Variants in C1orf146 observed in about 807,000 individuals in gnomAD.
C1orf146 encodes the protein protein SPO16 homolog.
A neutral mutation model predicts 23.0 loss-of-function variants in C1orf146; 22 were observed. That is an observed-to-expected ratio of 0.96 (90% CI 0.68 to 1.36). The LOEUF (loss-of-function observed/expected upper bound fraction) is 1.36, where lower values mean the gene tolerates loss of function less well. Among genes scored for constraint, C1orf146 ranks in the 40% most tolerant of loss-of-function variants. The pLI is 0.00. For synonymous variants in C1orf146, 59 were observed against 65.3 expected (o/e 0.90, Z 0.47); for missense variants, 199 against 206.8 (o/e 0.96, Z 0.23).
At position 92,244,801 on chromosome 1, in the gene C1orf146, A is replaced by C; in HGVS notation, c.352A>C (p.Ile118Leu). 6.2e-7 allele frequency: 1 copy of C among 1,608,044 alleles called. No homozygotes were observed. Among genetic ancestry groups the C allele is most frequent in the Non-Finnish European group, 8.5e-7 (1 of 1,175,078 alleles). Residue 118 changes from isoleucine to leucine, a missense_variant, in exon 5 of 6, where the codon ATA becomes CTA. Transcript: ENST00000370375. ...CAGATTCCTGGGTTGTAACTTACGA[A>C]TACTTCCAGTACACAACACAGTAAA... Reference protein sequence around the residue: ...QQRFLGCNLRILPVHNTVNAI... With the variant: ...QQRFLGCNLRLLPVHNTVNAI...
chr1:92,233,169 C>T (rs192031120), intron 2 of C1orf146, among the ~76,000 whole-genome samples: 43 of 152,282 alleles, frequency 2.8e-4, no homozygotes, highest in Admixed American at 2.4e-3. Context: ...GTATTGTAGA[C>T]GTGAAGTCCT....
At chr1:92,235,501 A>T (rs1652252428) in intron 2 of C1orf146, among the ~76,000 whole-genome samples, 2 of 152,108 alleles carry the variant, frequency 1.3e-5, no homozygotes, top group Non-Finnish European at 2.9e-5. Flanking sequence ...CTGTTCTTTT[A>T]CATTTGCTGA....
intron 1 of C1orf146, among the ~76,000 whole-genome samples, chr1:92,225,110 CTTTT>C (rs36035933): frequency 8.3e-6 from 1 of 120,578 alleles, no homozygotes. Context: ...GGTTTAGCCT[CTTTT>C]TTTTTTTTTT....
intron 1 of C1orf146, among the ~76,000 whole-genome samples, chr1:92,218,475 A>G (rs1651735271): frequency 6.6e-6 from 1 of 151,196 alleles, no homozygotes; most frequent in Admixed American, 6.6e-5. Context: ...AAAACAAAAC[A>G]GTAGCAACAA....
chr1:92,241,500 T>C (rs1403836287), intron 2 of C1orf146, among the ~76,000 whole-genome samples: 1 of 152,136 alleles, frequency 6.6e-6, no homozygotes, highest in Non-Finnish European at 1.5e-5. Context: ...CCAAGTTGTT[T>C]GTTTTTTGAG....
In C1orf146 at chr1:92,245,171, A is replaced by G. The variant is rs191019685; in HGVS notation, c.408+314A>G. 8.5e-5 allele frequency among the ~76,000 whole-genome samples: 13 copies of G among 152,312 alleles called. No individual in the cohort carries two copies. The East Asian group carries it at 2.5e-3, about 29-fold the overall frequency. On this transcript the variant is annotated intron_variant, in intron 5 of 5. Coordinates refer to ENST00000370375, the MANE Select transcript of C1orf146 (RefSeq NM_001012425.2). Reference sequence around the variant, plus strand: ...TTGAAGTCATAAACGGTCAGAGTGCAAGCATACTACCTTATGGAATGTCAT... The same window carrying G: ...TTGAAGTCATAAACGGTCAGAGTGCGAGCATACTACCTTATGGAATGTCAT...
chr1:92,224,017 TTTA>T (rs775628385), intron 1 of C1orf146, among the ~76,000 whole-genome samples: 795 of 14,320 alleles, frequency 0.056, 2 homozygotes, highest in African/African-American at 0.2. Context: ...TTTTATTTTA[TTTA>T]TTTATTTATT....
In C1orf146 at chr1:92,239,835, G is replaced by A. The variant is rs1453770821; in HGVS notation, c.67-2377G>A. On this transcript the variant is annotated intron_variant, in intron 2 of 5. Coordinates refer to ENST00000370375, the MANE Select transcript of C1orf146 (RefSeq NM_001012425.2). ...ATATTGCATAGGTCATACTTATATTGAAAATTGCATTGTCACTCATTCACA... is the reference window on the plus strand; with the variant it reads ...ATATTGCATAGGTCATACTTATATTAAAAATTGCATTGTCACTCATTCACA... Among the ~76,000 whole-genome samples, 25 of 151,880 alleles carry A rather than the reference G, an allele frequency of 1.6e-4. 1 individual carries two copies. Among genetic ancestry groups the A allele is most frequent in the Non-Finnish European group, 3.5e-4 (24 of 67,984 alleles).
chr1:92,245,415 T>C (rs1249464955), intron 5 of C1orf146, 125 bp from the exon 6 acceptor site: 2 of 718,042 alleles, frequency 2.8e-6, no homozygotes, highest in Non-Finnish European at 4.6e-6. Flanking sequence ...AACTCATACA[T>C]AGTATTTAGC....
intron 2 of C1orf146, among the ~76,000 whole-genome samples, chr1:92,232,569 T>C (rs1652159082): frequency 6.6e-6 from 1 of 152,144 alleles, no homozygotes; most frequent in Non-Finnish European, 1.5e-5. Flanking sequence ...GCAGTAAACA[T>C]ACGTGTACAT....
chr1:92,245,013 T>G (rs2100753357), intron 5 of C1orf146, among the ~76,000 whole-genome samples, 156 bp downstream of exon 5: 1 of 152,306 alleles, frequency 6.6e-6, no homozygotes, highest in South Asian at 2.1e-4. Context: ...AGCCTAACTC[T>G]CTTAAGTCTT....
intron 2 of C1orf146, among the ~76,000 whole-genome samples, chr1:92,237,338 G>C (rs1652308323): frequency 1.3e-5 from 2 of 152,174 alleles, no homozygotes; most frequent in Non-Finnish European, 2.9e-5. Context: ...AGGACCCTCA[G>C]TTGCAGGTCT....
intron 3 of C1orf146, among the ~76,000 whole-genome samples, chr1:92,243,329 G>A (rs1172970049): frequency 1.3e-5 from 2 of 152,058 alleles, no homozygotes; most frequent in Non-Finnish European, 2.9e-5. Context: ...TGCTCACTGA[G>A]TGTATTAATT....
At chr1:92,227,800 A>G (rs1033941016) in intron 1 of C1orf146, among the ~76,000 whole-genome samples, 1 of 152,202 alleles carries the variant, frequency 6.6e-6, no homozygotes, top group Admixed American at 6.5e-5. Flanking sequence ...TTCCCTTTAA[A>G]AATAATACAC....
chr1:92,245,808 T>G lies in C1orf146; in HGVS notation c.*134T>G, dbSNP rs1652614374. 3.4e-6 allele frequency: 2 copies of G among 596,726 alleles called. No homozygotes were observed. Among genetic ancestry groups the G allele is most frequent in the Non-Finnish European group, 5.3e-6 (2 of 374,276 alleles). 37.0% of individuals were successfully genotyped at this position (596,726 alleles called of 1,614,324 possible). On this transcript the variant is annotated 3_prime_UTR_variant, in exon 6 of 6. Transcript: ENST00000370375. ...ATATACAATTAAAAGTGATTTTATTTTAGGAGTTTCGCTGCAAGATTTAAC... is the reference window on the plus strand; with the variant it reads ...ATATACAATTAAAAGTGATTTTATTGTAGGAGTTTCGCTGCAAGATTTAAC...
intron 1 of C1orf146, among the ~76,000 whole-genome samples, chr1:92,225,835 C>T (rs1285211796): frequency 1.3e-5 from 2 of 152,034 alleles, no homozygotes; most frequent in African/African-American, 2.4e-5. Context: ...ATAGCCACTC[C>T]AGCTCTCTTA....
intron 1 of C1orf146, among the ~76,000 whole-genome samples, chr1:92,227,602 A>G (rs1651999857): frequency 6.6e-6 from 1 of 152,108 alleles, no homozygotes; most frequent in African/African-American, 2.4e-5. Context: ...GGGTCTACTG[A>G]TGATGAAGTC....
At chr1:92,222,851 G>T (rs1651869582) in intron 1 of C1orf146, among the ~76,000 whole-genome samples, 1 of 152,008 alleles carries the variant, frequency 6.6e-6, no homozygotes, top group Non-Finnish European at 1.5e-5. Context: ...CTCCCAAAGT[G>T]CTGGGATTAC....
intron 3 of C1orf146, among the ~76,000 whole-genome samples, chr1:92,242,982 C>T (rs1361843309): frequency 1.3e-5 from 2 of 152,224 alleles, no homozygotes; most frequent in African/African-American, 4.8e-5. Flanking sequence ...AATAGATCTC[C>T]AGGCTGAAAG....
Sources: allele counts gnomAD v4.1 joint callset (sites outside exome capture counted in the v4.1 genomes callset), GRCh38; gene constraint gnomAD v4.1.1; transcripts MANE v1.5; gene names NCBI Gene and HGNC (gene_info 2026-07-23, HGNC 2026-07-21).